The following MAP4 variants were observed in gnomAD, a reference collection of about 807,000 sequenced individuals.
The protein encoded by MAP4 is microtubule associated protein 4.
A neutral mutation model predicts 170.2 loss-of-function variants in MAP4; 76 were observed. The observed-to-expected ratio is 0.45, with a 90% CI of 0.37 to 0.54. The LOEUF (loss-of-function observed/expected upper bound fraction) is 0.54, where lower values mean the gene tolerates loss of function less well. Ranked by LOEUF, MAP4 falls within the 20% of genes least tolerant of loss-of-function variation. The pLI is 0.00. For missense variants in MAP4, 2,506 were observed against 2,748.0 expected (o/e 0.91, Z 1.97); for synonymous variants, 909 against 994.5 (o/e 0.91, Z 1.62).
chr3:48,080,664 T>C lies in MAP4; in HGVS notation c.-20+8109A>G, dbSNP rs548932469. Among the ~76,000 whole-genome samples the C allele has an allele frequency of 1.3e-5, 2 of 152,176 alleles. 1 individual carries two copies. The highest frequency in any genetic ancestry group is 4.1e-4 in the South Asian group (2 of 4,824). ...GAATTCAAGACCGGCCTGAGCAACATAGCAAGACTCTGTCTCTTAAAAAAT... is the reference window on the plus strand; with the variant it reads ...GAATTCAAGACCGGCCTGAGCAACACAGCAAGACTCTGTCTCTTAAAAAAT... On this transcript the variant is annotated intron_variant, in intron 1 of 18. Transcript: ENST00000360240.
chr3:47,951,805 C>T (rs1185264461), intron 3 of MAP4, among the ~76,000 whole-genome samples: 13 of 151,956 alleles, frequency 8.6e-5, no homozygotes. Context: ...CTCTGCCTGG[C>T]CGCCCATCGT....
At chr3:47,987,969 C>T (rs1225602486) in intron 2 of MAP4, among the ~76,000 whole-genome samples, 1 of 151,978 alleles carries the variant, frequency 6.6e-6, no homozygotes, top group Admixed American at 6.6e-5. Context: ...CTACGGTGGG[C>T]GGATCACGAG....
chr3:47,909,551 C>G lies in MAP4; in HGVS notation c.4870G>C (p.Asp1624His). Residue 1624 changes from aspartate to histidine, a missense_variant, in exon 9 of 21, where the codon GAC becomes CAC. This residue lies in a region of MAP4 where 2,008 missense variants were observed against 2,206.0 expected (regional missense o/e 0.91). Transcript: ENST00000683076. ...KEGSVAVQIP[D>H]LLEDKAQKLS... is the part of the protein sequence containing the mutation. ...TTTTGTGCTTTGTCTTCCAGTAAGT[C>G]AGGAATCTGAACTGCAACAGACCCT... 1.9e-6 allele frequency: 3 copies of G among 1,612,554 alleles called. No homozygotes were observed. The highest frequency in any genetic ancestry group is 2.5e-6 in the Non-Finnish European group (3 of 1,179,884).
intron 3 of MAP4, among the ~76,000 whole-genome samples, chr3:47,948,767 C>T (rs1578153611): frequency 6.6e-6 from 1 of 152,106 alleles, no homozygotes; most frequent in East Asian, 1.9e-4. Flanking sequence ...ATTACAGGTG[C>T]CCGCCACCAT....
At chr3:47,891,069 T>C in intron 10 of MAP4, 4 of 1,530,806 alleles carry the variant, frequency 2.6e-6, no homozygotes, top group Non-Finnish European at 3.5e-6. Context: ...GTGCTCTGGG[T>C]TGCAGTGACC....
At chr3:47,966,767 G>A (rs186082065) in intron 3 of MAP4, among the ~76,000 whole-genome samples, 76 of 152,196 alleles carry the variant, frequency 5.0e-4, no homozygotes, top group African/African-American at 1.8e-3. Flanking sequence ...TCCTGGTACC[G>A]TTGTCTAAAA....
chr3:48,034,943 G>T (rs1405318559), intron 1 of MAP4, among the ~76,000 whole-genome samples: 1 of 152,078 alleles, frequency 6.6e-6, no homozygotes, highest in Non-Finnish European at 1.5e-5. Flanking sequence ...AGACCAGGAG[G>T]TTGAGTCTAC....
At chr3:48,003,023 T>C (rs937358039) in intron 1 of MAP4, among the ~76,000 whole-genome samples, 16 of 150,872 alleles carry the variant, frequency 1.1e-4, no homozygotes, top group African/African-American at 3.9e-4. Flanking sequence ...ATCTAATAAC[T>C]ATAATAAAGT....
chr3:47,987,962 C>CGA (rs2100089802), intron 2 of MAP4, among the ~76,000 whole-genome samples: 1 of 151,892 alleles, frequency 6.6e-6, no homozygotes, highest in Non-Finnish European at 1.5e-5. Context: ...TGGGAGGCTA[C>CGA]GGTGGGCGGA....
At chr3:48,022,138 A>G (rs1034061899) in intron 1 of MAP4, among the ~76,000 whole-genome samples, 3 of 152,200 alleles carry the variant, frequency 2.0e-5, no homozygotes, top group African/African-American at 4.8e-5. Context: ...GGTCAACTGG[A>G]TATTTTGAGC....
At chr3:47,882,807 CTTTAATTTTTTTT>C (rs2096969367) in intron 10 of MAP4, among the ~76,000 whole-genome samples, 1 of 151,908 alleles carries the variant, frequency 6.6e-6, no homozygotes, top group African/African-American at 2.4e-5. Flanking sequence ...TTTCTCCCTA[CTTTAATTTTTTTT>C]TTTAAAGACA....
In MAP4 at chr3:47,910,890, T is replaced by G. The variant is rs1245033252; in HGVS notation, c.3531A>C (p.Gly1177=). 1.1e-5 allele frequency: 17 copies of G among 1,535,988 alleles called. No individual in the cohort carries two copies. The highest frequency in any genetic ancestry group is 1.4e-5 in the Non-Finnish European group (16 of 1,146,906). Residue 1177 remains glycine, a synonymous_variant, in exon 9 of 21, where the codon GGA becomes GGC. Transcript: ENST00000683076. The part of the protein sequence containing the change: ...TQTSGVSTET[G]DVVKDMGVNN... ...TGACACCCATATCTTTGACTACATC[T>G]CCTGTTTCTGTGCTAACACCAGAAG...
intron 1 of MAP4, among the ~76,000 whole-genome samples, chr3:48,034,708 A>G (rs1053976741): frequency 6.6e-6 from 1 of 151,780 alleles, no homozygotes; most frequent in Non-Finnish European, 1.5e-5. Context: ...GTATCCAAAA[A>G]ATAAAAAATT....
At chr3:48,001,953 C>T (rs187089152) in intron 1 of MAP4, among the ~76,000 whole-genome samples, 19 of 148,658 alleles carry the variant, frequency 1.3e-4, no homozygotes, top group Admixed American at 5.3e-4. Flanking sequence ...CTCAGCTCAC[C>T]GGAACCTCCA....
intron 1 of MAP4, among the ~76,000 whole-genome samples, chr3:48,085,163 T>C (rs2100148455): frequency 7.3e-6 from 1 of 136,594 alleles, no homozygotes; most frequent in South Asian, 2.3e-4. Context: ...ATCTAAAAGC[T>C]ACATAGCAAC....
At chr3:47,938,295 G>A (rs1033541949) in intron 3 of MAP4, among the ~76,000 whole-genome samples, 2 of 152,030 alleles carry the variant, frequency 1.3e-5, no homozygotes, top group Non-Finnish European at 2.9e-5. Context: ...TTGAACCTGG[G>A]AGGTGGAGGT....
intron 9 of MAP4, among the ~76,000 whole-genome samples, chr3:47,904,770 A>T (rs2100031988): frequency 6.6e-6 from 1 of 151,508 alleles, no homozygotes; most frequent in Non-Finnish European, 1.5e-5. Flanking sequence ...GGTTCAAGAG[A>T]GCGATTCTCC....
chr3:48,000,723 G>A (rs1171582395), intron 1 of MAP4, among the ~76,000 whole-genome samples: 1 of 152,130 alleles, frequency 6.6e-6, no homozygotes. Context: ...TACAATGGAA[G>A]AATCTCAACT....
chr3:47,932,560 G>A lies in MAP4; in HGVS notation c.293-4210C>T, dbSNP rs1025531583. ...CCAATAACAATACATGAGGACTCCA[G>A]TTTCTTCACATCTTCACCAACATGT... On this transcript the variant is annotated intron_variant, in intron 3 of 20. Coordinates refer to ENST00000683076, the MANE Select transcript of MAP4 (RefSeq NM_001385682.1). Among the ~76,000 whole-genome samples, 9 of 152,102 alleles carry A rather than the reference G, an allele frequency of 5.9e-5. No individual in the cohort carries two copies. In the East Asian group the frequency reaches 1.7e-3, roughly 29 times the overall value.
Sources: gnomAD v4.1 joint callset for allele counts (sites outside exome capture counted in the v4.1 genomes callset) on GRCh38, gnomAD v4.1.1 for gene constraint, gnomAD v4.1.1 regional missense constraint, MANE v1.5 for transcripts, NCBI Gene and HGNC (gene_info 2026-07-23, HGNC 2026-07-21) for gene names.